The following TSN variants were observed in gnomAD, a reference collection of about 807,000 sequenced individuals.
TSN encodes the protein translin, also known as component 3 of promoter of RISC.
TSN carries 5 observed loss-of-function variants against 29.4 expected under a neutral mutation model. The ratio of observed to expected loss-of-function variants is 0.17; its 90% CI spans 0.09 to 0.36. The LOEUF (loss-of-function observed/expected upper bound fraction) is 0.36, where lower values mean the gene tolerates loss of function less well. Ranked by LOEUF, TSN falls within the 10% of genes least tolerant of loss-of-function variation. The probability of loss-of-function intolerance (pLI) is 1.00; values close to 1 mark genes in which losing one functional copy is unlikely to be tolerated. For missense variants in TSN, 159 were observed against 272.8 expected, an observed-to-expected ratio of 0.58 and a Z score of 2.94; for synonymous variants, 106 against 102.2, an observed-to-expected ratio of 1.04 and a Z score of -0.23.
chr2:121,764,620 C>T (rs1457890394), intron 5 of TSN, among the ~76,000 whole-genome samples: 1 of 151,548 alleles, frequency 6.6e-6, no homozygotes, highest in East Asian at 2.0e-4. Flanking sequence ...GAAGGGGAGT[C>T]TTGGGTTGGG....
In TSN at chr2:121,755,691, GC is replaced by G. The variant is rs936961907; in HGVS notation, c.-87del. 47 of 1,540,794 alleles carry G rather than the reference GC, an allele frequency of 3.1e-5. No homozygotes were observed. In the African/African-American group the frequency reaches 6.1e-4, roughly 20 times the overall value. On this transcript the variant is annotated 5_prime_UTR_variant, in exon 1 of 6. Transcript: ENST00000389682. ...CCGGGGGGACGCGGCGGTAGCGGCGGCCGTTGCGATTGATTGCGCTGGTTGC... is the reference window on the plus strand; with the variant it reads ...CCGGGGGGACGCGGCGGTAGCGGCGGCGTTGCGATTGATTGCGCTGGTTGC...
chr2:121,756,738 C>CT (rs2074754846), intron 1 of TSN: 1 of 622,122 alleles, frequency 1.6e-6, no homozygotes, highest in African/African-American at 2.0e-5. Context: ...AACCCTGTCT[C>CT]TACTAAAAAT....
chr2:121,756,016 C>T (rs1000298419), intron 1 of TSN, 171 bp downstream of exon 1: 3 of 1,379,364 alleles, frequency 2.2e-6, no homozygotes, highest in Non-Finnish European at 2.9e-6. Context: ...AATTTTGCTG[C>T]TCTGTCCTGA....
chr2:121,760,705 A>G (rs1396182749), intron 3 of TSN, among the ~76,000 whole-genome samples: 2 of 152,154 alleles, frequency 1.3e-5, no homozygotes, highest in South Asian at 2.1e-4. Flanking sequence ...TCTGCACTCA[A>G]ATCAAAATGG....
intron 3 of TSN, among the ~76,000 whole-genome samples, chr2:121,759,199 T>G (rs1186240034): frequency 6.6e-6 from 1 of 152,184 alleles, no homozygotes; most frequent in East Asian, 1.9e-4. Context: ...CACTGCCAAG[T>G]GATGTAATTA....
intron 3 of TSN, among the ~76,000 whole-genome samples, chr2:121,760,194 C>T (rs563255587): frequency 8.5e-5 from 13 of 152,350 alleles, no homozygotes; most frequent in South Asian, 8.3e-4. Context: ...GCATTCGATT[C>T]TCATAGTAGT....
rs553334390 is a variant in TSN, at chr2:121,767,829, T to C, written c.*2462T>C. The C allele has an allele frequency of 6.6e-6, 1 of 152,316 alleles. No homozygotes were observed. Among genetic ancestry groups the C allele is most frequent in the African/African-American group, 2.4e-5 (1 of 41,566 alleles). The allele number at this position is 152,316 out of a possible 1,614,324, so 9.4% of individuals were successfully genotyped here. ...AATTGTGTACTCGGAAATTAAAGTT[T>C]GCTTGTTTCTTGGTCTGGATTAAAC... is the stretch of plus-strand genomic sequence containing the variant. On this transcript the variant is annotated 3_prime_UTR_variant, in exon 6 of 6. Transcript: ENST00000389682.
At position 121,763,482 on chromosome 2, in the gene TSN, C is replaced by T. The variant is rs138850804; in HGVS notation, c.453+398C>T. Among the ~76,000 whole-genome samples, 184 of 151,994 alleles carry T rather than the reference C, an allele frequency of 1.2e-3. 2 individuals are homozygous for T. The highest frequency in any genetic ancestry group is 4.2e-3 in the African/African-American group (174 of 41,508). ...TTAAAATGGGTACCAAAATTCAGAA[C>T]GTCTTAATTCTTTTCTAAGCCATCT... On this transcript the variant is annotated intron_variant, in intron 5 of 5. Coordinates refer to ENST00000389682, the MANE Select transcript of TSN (RefSeq NM_004622.3).
At position 121,765,232 on chromosome 2, in the gene TSN, C is replaced by G. The variant is rs186439720; in HGVS notation, c.552C>G (p.Leu184=). 3.1e-6 allele frequency: 5 copies of G among 1,614,202 alleles called. No homozygotes were observed. The highest frequency in any genetic ancestry group is 2.2e-5 in the East Asian group (1 of 44,884). Residue 184 remains leucine (L), a synonymous_variant, in exon 6 of 6, where the codon CTC becomes CTG. Transcript: ENST00000389682. ...INELDSGFRL[L]NLKNDSLRKR... ...AGCTGGATTCCGGTTTTCGCCTTCT[C>G]AACCTGAAAAATGACTCCCTGAGGA...
In TSN at chr2:121,765,178, A is replaced by G; in HGVS notation, c.498A>G (p.Arg166=). 3 of 1,613,896 alleles carry G rather than the reference A, an allele frequency of 1.9e-6. No individual in the cohort carries two copies. The highest frequency in any genetic ancestry group is 2.5e-6 in the Non-Finnish European group (3 of 1,180,006). ...GCGTGACTGCTGGAGACTACTCCCGACCCCTCCACATCTCCACCTTCATCA... is the reference window on the plus strand; with the variant it reads ...GCGTGACTGCTGGAGACTACTCCCGGCCCCTCCACATCTCCACCTTCATCA... The part of the protein sequence containing the change: ...VNSVTAGDYS[R]PLHISTFINE... The change falls in exon 6 of 6, where the codon CGA becomes CGG. Residue 166 remains arginine, a synonymous_variant. Transcript: ENST00000389682.
Position 121,765,100 on chromosome 2 carries a change from G to A in TSN, c.454-34G>A. On this transcript the variant is annotated intron_variant, in intron 5 of 5. Coordinates refer to ENST00000389682, the MANE Select transcript of TSN (RefSeq NM_004622.3). The stretch of plus-strand genomic sequence containing the variant: ...AGATGCGCTGAGAAGGAGCCATGTT[G>A]TAACAAGCCCCTGTTTTCTCTTTCC... 3 of 1,603,028 alleles carry A rather than the reference G, an allele frequency of 1.9e-6. No homozygotes were observed. The East Asian group carries it at 6.7e-5, about 36-fold the overall frequency.
At position 121,758,738 on chromosome 2, in the gene TSN, A is replaced by G. The variant is rs2074782043; in HGVS notation, c.189A>G (p.Glu63=). 9 of 1,586,632 alleles carry G rather than the reference A, an allele frequency of 5.7e-6. No homozygotes were observed. The highest frequency in any genetic ancestry group is 7.7e-6 in the Non-Finnish European group (9 of 1,168,582). Residue 63 remains glutamate (E), a synonymous_variant, in exon 3 of 6, where the codon GAA becomes GAG. Transcript: ENST00000389682. Reference sequence around the variant, plus strand: ...CAAAGAGGTGTTTGAAAGCTCGAGAACATTTTGGTACAGTAAAAACACATC... The same window carrying G: ...CAAAGAGGTGTTTGAAAGCTCGAGAGCATTTTGGTACAGTAAAAACACATC... The part of the protein sequence containing the change: ...DIPKRCLKAR[E]HFGTVKTHLT...
At chr2:121,762,968 C>G (rs773534432) in intron 4 of TSN, 37 bp from the exon 5 acceptor site, 2 of 1,534,600 alleles carry the variant, frequency 1.3e-6, no homozygotes, top group Non-Finnish European at 1.8e-6. Context: ...GCTTAACTTG[C>G]ATTCACAGCA....
At chr2:121,763,791 A>T (rs2074866945) in intron 5 of TSN, among the ~76,000 whole-genome samples, 1 of 152,208 alleles carries the variant, frequency 6.6e-6, no homozygotes, top group Non-Finnish European at 1.5e-5. Context: ...CTAAAGAAAA[A>T]AAAAGCTGTC....
chr2:121,767,294 G>A lies in TSN; in HGVS notation c.*1927G>A, dbSNP rs1240781487. 1 of 152,102 alleles carries A rather than the reference G, an allele frequency of 6.6e-6. No homozygotes were observed. The highest frequency in any genetic ancestry group is 1.5e-5 in the Non-Finnish European group (1 of 68,016). The allele number at this position is 152,102 out of a possible 1,614,324, so 9.4% of individuals were successfully genotyped here. On this transcript the variant is annotated 3_prime_UTR_variant, in exon 6 of 6. Transcript: ENST00000389682. ...TAAAATTTTTTTGGTCTTTTTGTAA[G>A]TGAGTGTGCTGCTGTAAGAAATCTC...
Position 121,758,770 on chromosome 2 carries a change from C to G in TSN, c.221C>G (p.Ser74Cys), listed in dbSNP as rs747678750. The G allele has an allele frequency of 1.3e-6, 2 of 1,593,318 alleles. No homozygotes were observed. Among genetic ancestry groups the G allele is most frequent in the Non-Finnish European group, 1.7e-6 (2 of 1,171,498 alleles). The change falls in exon 3 of 6, where the codon TCT (serine) becomes TGT (cysteine). Residue 74 changes from serine (S) to cysteine (C), a missense_variant. Transcript: ENST00000389682. ...HFGTVKTHLT[S>C]LKTKFPAEQY... is the part of the protein sequence containing the mutation. ...GGTACAGTAAAAACACATCTAACAT[C>G]TTTGAAGACCAAATTTCCTGCTGAA...
chr2:121,765,692 T>G lies in TSN; in HGVS notation c.*325T>G. ...ACTGTTGATGTACTGATTGAGAAGT[T>G]CATTGTCTCGTTTGTGATTCTTCCA... On this transcript the variant is annotated 3_prime_UTR_variant, in exon 6 of 6. Transcript: ENST00000389682. 1 of 287,656 alleles carries G rather than the reference T, an allele frequency of 3.5e-6. No individual in the cohort carries two copies. Among genetic ancestry groups the G allele is most frequent in the Non-Finnish European group, 6.5e-6 (1 of 152,756 alleles). The allele number at this position is 287,656 out of a possible 1,614,324, so 17.8% of individuals were successfully genotyped here.
rs560007390 is a variant in TSN at position 121,767,011 on chromosome 2, A to G, written c.*1644A>G. On this transcript the variant is annotated 3_prime_UTR_variant, in exon 6 of 6. Transcript: ENST00000389682. ...TAAAATGTGCAGTAATAGCACTGCC[A>G]GGATCAAGCATGAAAGGCTTTTAAA... 1 of 152,374 alleles carries G rather than the reference A, an allele frequency of 6.6e-6. No individual in the cohort carries two copies. Among genetic ancestry groups the G allele is most frequent in the South Asian group, 2.1e-4 (1 of 4,834 alleles). The allele number at this position is 152,374 out of a possible 1,614,324, so 9.4% of individuals were successfully genotyped here.
At chr2:121,763,149 T>TG in intron 5 of TSN, 65 bp downstream of exon 5, 1 of 1,328,754 alleles carries the variant, frequency 7.5e-7, no homozygotes, top group Non-Finnish European at 1.0e-6. Flanking sequence ...TTTTTTTTTT[T>TG]TTTTTTTTTT....
Sources: gnomAD v4.1 joint callset for allele counts (sites outside exome capture counted in the v4.1 genomes callset) on GRCh38, gnomAD v4.1.1 for gene constraint, MANE v1.5 for transcripts, NCBI Gene and HGNC (gene_info 2026-07-23, HGNC 2026-07-21) for gene names.